Variants in PROS1 observed in about 807,000 individuals in gnomAD.
The protein encoded by PROS1 is protein S, also known as vitamin K-dependent protein S.
In PROS1, 29 loss-of-function variants were observed where a neutral mutation model predicts 75.9. The ratio of observed to expected loss-of-function variants is 0.38; its 90% CI spans 0.28 to 0.52. PROS1 has a LOEUF of 0.52. PROS1 is among the 20% of genes least tolerant of loss of function. PROS1 has a pLI of 0.83. For missense variants in PROS1, 680 were observed against 810.3 expected (o/e 0.84, Z 1.95); for synonymous variants, 245 against 280.6 (o/e 0.87, Z 1.27).
At chr3:93,927,140 CACAGAATT>C (rs1709030191) in intron 2 of PROS1, 102 bp downstream of exon 2, 1 of 1,402,846 alleles carries the variant, frequency 7.1e-7, no homozygotes, top group East Asian at 2.3e-5. Context: ...GAAGGTGATA[CACAGAATT>C]ATTGACTTTA....
chr3:93,887,332 C>A (rs1301573411), intron 10 of PROS1, among the ~76,000 whole-genome samples: 1 of 152,110 alleles, frequency 6.6e-6, no homozygotes, highest in Admixed American at 6.5e-5. Flanking sequence ...GAAAAAAATA[C>A]ATAAAATTAA....
chr3:93,895,644 T>C (rs1242556975), intron 9 of PROS1, among the ~76,000 whole-genome samples: 3 of 152,138 alleles, frequency 2.0e-5, no homozygotes, highest in African/African-American at 4.8e-5. Flanking sequence ...TTCTCATTAT[T>C]CCAAAAAAAA....
intron 1 of PROS1, among the ~76,000 whole-genome samples, chr3:93,942,778 A>G (rs1225717322): frequency 6.6e-6 from 1 of 152,168 alleles, no homozygotes; most frequent in Non-Finnish European, 1.5e-5. Context: ...CATCATGGAA[A>G]TCTATCCTCA....
At chr3:93,930,020 A>G (rs1576200102) in intron 1 of PROS1, among the ~76,000 whole-genome samples, 1 of 152,338 alleles carries the variant, frequency 6.6e-6, no homozygotes, top group East Asian at 1.9e-4. Context: ...CAGTTACTAT[A>G]TTTATCAGTT....
At chr3:93,941,080 T>A (rs1373177709) in intron 1 of PROS1, among the ~76,000 whole-genome samples, 1 of 152,104 alleles carries the variant, frequency 6.6e-6, no homozygotes, top group African/African-American at 2.4e-5. Flanking sequence ...CTGACACCCA[T>A]CAGTCCCTGC....
intron 12 of PROS1, among the ~76,000 whole-genome samples, chr3:93,884,325 G>A (rs981945206): frequency 6.6e-6 from 1 of 152,176 alleles, no homozygotes; most frequent in African/African-American, 2.4e-5. Context: ...CTAGACAAGT[G>A]TGAACAGATA....
chr3:93,918,624 A>G (rs980161607), intron 3 of PROS1, among the ~76,000 whole-genome samples: 1 of 152,158 alleles, frequency 6.6e-6, no homozygotes, highest in Non-Finnish European at 1.5e-5. Context: ...CGGCGGCTTC[A>G]TTCTTGAAGT....
chr3:93,951,590 G>A (rs576979015), intron 1 of PROS1, among the ~76,000 whole-genome samples: 115 of 152,252 alleles, frequency 7.6e-4, no homozygotes, highest in African/African-American at 2.7e-3. Flanking sequence ...GAGCTCCTGA[G>A]GGAAGCATTA....
At chr3:93,916,918 A>G (rs140818935) in intron 3 of PROS1, among the ~76,000 whole-genome samples, 3,066 of 152,356 alleles carry the variant, frequency 0.02, 63 homozygotes, top group Middle Eastern at 0.041. Context: ...AATTCTAAAA[A>G]ATAGTTCAAA....
At chr3:93,946,417 T>G (rs1709399797) in intron 1 of PROS1, among the ~76,000 whole-genome samples, 1 of 152,176 alleles carries the variant, frequency 6.6e-6, no homozygotes, top group Admixed American at 6.5e-5. Context: ...ATTAAAAGGC[T>G]ACAGTAACCA....
At chr3:93,963,895 T>C (rs1448261439) in intron 1 of PROS1, among the ~76,000 whole-genome samples, 17 of 152,206 alleles carry the variant, frequency 1.1e-4, no homozygotes, top group South Asian at 8.3e-4. Flanking sequence ...TCCGTTCCCT[T>C]TCCTTTTCTT....
At chr3:93,968,511 T>G (rs1709822810) in intron 1 of PROS1, among the ~76,000 whole-genome samples, 1 of 152,196 alleles carries the variant, frequency 6.6e-6, no homozygotes, top group South Asian at 2.1e-4. Flanking sequence ...AACCACCTAC[T>G]TTGTGGTACT....
chr3:93,965,105 A>G (rs1709767481), intron 1 of PROS1, among the ~76,000 whole-genome samples: 1 of 152,196 alleles, frequency 6.6e-6, no homozygotes, highest in Non-Finnish European at 1.5e-5. Context: ...GGGAGGGACA[A>G]GGATCGGGAT....
chr3:93,909,433 TAAAAAAAAAAA>T (rs752049146), intron 4 of PROS1, among the ~76,000 whole-genome samples: 1 of 79,898 alleles, frequency 1.3e-5, no homozygotes, highest in South Asian at 4.2e-4. Flanking sequence ...AGAGCTTGTC[TAAAAAAAAAAA>T]AAAAAAAAAA....
rs374307179 is a variant in PROS1, at chr3:93,906,341, T to A, written c.347-198A>T. ...TTATAATTATTTTGTAAAAATAAACTACAGATGGCAGCAGTGGCCCATGTA... is the reference window on the plus strand; with the variant it reads ...TTATAATTATTTTGTAAAAATAAACAACAGATGGCAGCAGTGGCCCATGTA... On this transcript the variant is annotated intron_variant, in intron 4 of 14. Transcript: ENST00000394236. Among the ~76,000 whole-genome samples the A allele has an allele frequency of 2.0e-5, 3 of 152,352 alleles. No homozygotes were observed. The East Asian group carries it at 5.8e-4, about 29-fold the overall frequency.
chr3:93,949,926 T>A (rs1709466108), intron 1 of PROS1, among the ~76,000 whole-genome samples: 1 of 152,120 alleles, frequency 6.6e-6, no homozygotes, highest in South Asian at 2.1e-4. Flanking sequence ...GAATTCCCTT[T>A]CCTAGCCAGG....
intron 1 of PROS1, among the ~76,000 whole-genome samples, chr3:93,940,926 C>T (rs1377654571): frequency 9.9e-5 from 15 of 152,142 alleles, no homozygotes; most frequent in Non-Finnish European, 2.9e-5. Flanking sequence ...AACTGTTTTG[C>T]CTATCCACCC....
intron 1 of PROS1, among the ~76,000 whole-genome samples, chr3:93,972,124 G>A (rs1298861685): frequency 6.6e-6 from 1 of 152,148 alleles, no homozygotes; most frequent in Non-Finnish European, 1.5e-5. Context: ...AAGAGAAAAA[G>A]CCTAGCAAAT....
chr3:93,941,603 G>A (rs1709289261), intron 1 of PROS1, among the ~76,000 whole-genome samples: 1 of 152,148 alleles, frequency 6.6e-6, no homozygotes, highest in South Asian at 2.1e-4. Flanking sequence ...TTTAGAGACT[G>A]CTCCCACACT....
Sources: gnomAD v4.1 joint callset for allele counts (sites outside exome capture counted in the v4.1 genomes callset) on GRCh38, gnomAD v4.1.1 for gene constraint, MANE v1.5 for transcripts, NCBI Gene and HGNC (gene_info 2026-07-23, HGNC 2026-07-21) for gene names.